TTLL3: variants seen among roughly 807,000 people sequenced by gnomAD.
The protein encoded by TTLL3 is tubulin monoglycylase TTLL3.
Under a neutral mutation model 75.2 loss-of-function variants are expected in TTLL3, and 63 were observed. The ratio of observed to expected loss-of-function variants is 0.84; its 90% CI spans 0.68 to 1.03. TTLL3 has a LOEUF of 1.03. Among genes scored for constraint, TTLL3 ranks in the 50% least tolerant of loss-of-function variants. TTLL3 has a pLI of 0.00. For synonymous variants in TTLL3, 393 were observed against 418.5 expected, an observed-to-expected ratio of 0.94 and a Z score of 0.74; for missense variants, 997 against 1,069.9, an observed-to-expected ratio of 0.93 and a Z score of 0.95.
In TTLL3 at chr3:9,832,750, T is replaced by G. The variant is rs2081679132; in HGVS notation, c.1684-354T>G. On this transcript the variant is annotated intron_variant, in intron 11 of 13. Transcript: ENST00000685419. The stretch of plus-strand genomic sequence containing the variant: ...TGTCTGGGTGGCGTAACTCAAATTC[T>G]CTGTGCAGAGAATCTGATTGGCTCA... 2.0e-5 allele frequency among the ~76,000 whole-genome samples: 3 copies of G among 152,252 alleles called. No individual in the cohort carries two copies. In the South Asian group the frequency reaches 6.2e-4, roughly 31 times the overall value.
At position 9,836,309 on chromosome 3, in the gene TTLL3, A is replaced by C. The variant is rs1002421134; in HGVS notation, c.*820A>C. ...GAGTGAAACCCTAAATCAAAAAAAA[A>C]AAAAAAGGTCTTTGCAGATGTAAAT... On this transcript the variant is annotated 3_prime_UTR_variant, in exon 14 of 14. Coordinates refer to ENST00000685419, the MANE Select transcript of TTLL3 (RefSeq NM_001387446.1). 2.0e-5 allele frequency: 3 copies of C among 152,170 alleles called. No individual in the cohort carries two copies. Among genetic ancestry groups the C allele is most frequent in the Non-Finnish European group, 4.4e-5 (3 of 68,058 alleles). The allele number at this position is 152,170 out of a possible 1,614,324, so 9.4% of individuals were successfully genotyped here.
Position 9,835,695 on chromosome 3 carries a change from T to C in TTLL3, c.*206T>C, listed in dbSNP as rs533358372. ...GGCAGTGAGTCGACGCAGGGACATA[T>C]TGCCAGAACTGCCGAGCACTGGGAG... On this transcript the variant is annotated 3_prime_UTR_variant, in exon 14 of 14. Coordinates refer to ENST00000685419, the MANE Select transcript of TTLL3 (RefSeq NM_001387446.1). 7.5e-5 allele frequency: 40 copies of C among 531,006 alleles called. No homozygotes were observed. The highest frequency in any genetic ancestry group is 6.6e-4 in the Admixed American group (18 of 27,128). The allele number at this position is 531,006 out of a possible 1,614,324, so 32.9% of individuals were successfully genotyped here. A position where few individuals can be genotyped will look rare whatever the true frequency, so the allele number is the denominator to read the frequency against.
At chr3:9,815,758 C>T (rs1482748115) in intron 4 of TTLL3, among the ~76,000 whole-genome samples, 2 of 152,272 alleles carry the variant, frequency 1.3e-5, no homozygotes, top group African/African-American at 2.4e-5. Flanking sequence ...CCAACTCCTT[C>T]TCACGCTGCC....
At position 9,810,355 on chromosome 3, in the gene TTLL3, C is replaced by T; in HGVS notation, c.-81C>T. The T allele has an allele frequency of 1.4e-6, 2 of 1,387,780 alleles. No individual in the cohort carries two copies. Among genetic ancestry groups the T allele is most frequent in the Non-Finnish European group, 1.8e-6 (2 of 1,088,196 alleles). The allele number at this position is 1,387,780 out of a possible 1,614,324, so 86.0% of individuals were successfully genotyped here. Reference sequence around the variant, plus strand: ...CGCCTCGGATACCCACCCCCTCGGCCCCCCGCACACCCCGGTCCTCGACCC... The same window carrying T: ...CGCCTCGGATACCCACCCCCTCGGCTCCCCGCACACCCCGGTCCTCGACCC... On this transcript the variant is annotated 5_prime_UTR_variant, in exon 1 of 14. Coordinates refer to ENST00000685419, the MANE Select transcript of TTLL3 (RefSeq NM_001387446.1). This position sits in a 1 kb window ranked among gnomAD's most constrained non-coding sequence, Gnocchi z 4.4.
chr3:9,823,659 G>C (rs2080736294), intron 8 of TTLL3, among the ~76,000 whole-genome samples: 1 of 152,052 alleles, frequency 6.6e-6, no homozygotes, highest in Admixed American at 6.6e-5. Flanking sequence ...GAGTACTCCT[G>C]GGAGACCTTG....
At position 9,825,917 on chromosome 3, in the gene TTLL3, C is replaced by G; in HGVS notation, c.972C>G (p.Ile324Met). The change falls in exon 9 of 14, where the codon ATC becomes ATG. Residue 324 changes from isoleucine (I) to methionine (M), a missense_variant. Coordinates refer to ENST00000685419, the MANE Select transcript of TTLL3 (RefSeq NM_001387446.1). ...IDMEGDRNIW[I>M]VKPGAKSRGR... ...TGGAAGGGGATCGCAACATCTGGAT[C>G]GTGAAGCCAGGAGCCAAGTCCCGCG... The G allele has an allele frequency of 6.2e-7, 1 of 1,614,030 alleles. No homozygotes were observed. The highest frequency in any genetic ancestry group is 8.5e-7 in the Non-Finnish European group (1 of 1,179,908).
chr3:9,821,934 C>T (rs1348368636), intron 8 of TTLL3, among the ~76,000 whole-genome samples: 1 of 144,604 alleles, frequency 6.9e-6, no homozygotes, highest in Non-Finnish European at 1.5e-5. Flanking sequence ...ACCTGGGAGT[C>T]GGAGCTTGCA....
At chr3:9,820,482 C>T (rs1275315985) in intron 7 of TTLL3, 64 bp from the exon 8 acceptor site, 5 of 1,593,302 alleles carry the variant, frequency 3.1e-6, no homozygotes, top group Non-Finnish European at 4.3e-6. Context: ...ACAATGGGGG[C>T]TGTGGCATGC....
rs2081735670 is a variant in TTLL3 at position 9,833,181 on chromosome 3, G to A, written c.1761G>A (p.Met587Ile). ...TCACCATCAAGAAGCCCATGGCGAT[G>A]TGTCATCGGCGGATGGGGGTCCGCC... Reference protein sequence around the residue: ...EGFTIKKPMAMCHRRMGVRPA... With the variant: ...EGFTIKKPMAICHRRMGVRPA... The change falls in exon 12 of 14, where the codon ATG becomes ATA. Residue 587 changes from methionine to isoleucine, a missense_variant. Met to Ile is a conservative substitution (Grantham distance 10). Coordinates refer to ENST00000685419, the MANE Select transcript of TTLL3 (RefSeq NM_001387446.1). 1.2e-6 allele frequency: 2 copies of A among 1,614,062 alleles called. No homozygotes were observed. Among genetic ancestry groups the A allele is most frequent in the South Asian group, 2.2e-5 (2 of 91,090 alleles).
intron 8 of TTLL3, chr3:9,825,513 T>G: frequency 2.1e-6 from 1 of 466,662 alleles, no homozygotes; most frequent in Non-Finnish European, 4.0e-6. Flanking sequence ...ACAGTTTTAA[T>G]GTAATAGGAA....
chr3:9,823,811 A>G (rs1342500454), intron 8 of TTLL3, among the ~76,000 whole-genome samples: 1 of 152,236 alleles, frequency 6.6e-6, no homozygotes, highest in Non-Finnish European at 1.5e-5. Flanking sequence ...CCTGAACAGG[A>G]GGCTCCCGTC....
rs2290304 is a variant in TTLL3, at chr3:9,829,178, G to A, written c.1466G>A (p.Arg489Gln). The A allele has an allele frequency of 6.7e-4, 1,074 of 1,614,040 alleles. 8 individuals carry two copies. The East Asian group carries it at 0.018, about 28-fold the overall frequency. ...LQTSQDTVQC[R>Q]KASFELYGAD... ...ACCTCCCAGGACACCGTGCAGTGTC[G>A]GAAGGCCAGCTTTGAGCTCTATGGC... Residue 489 changes from arginine to glutamine, a missense_variant, in exon 11 of 14, where the codon CGG becomes CAG. By Grantham distance (43) the Arg-to-Gln change is conservative. Coordinates refer to ENST00000685419, the MANE Select transcript of TTLL3 (RefSeq NM_001387446.1).
intron 11 of TTLL3, among the ~76,000 whole-genome samples, chr3:9,831,054 G>C (rs772817762): frequency 7.6e-4 from 115 of 152,192 alleles, no homozygotes; most frequent in Non-Finnish European, 2.8e-4. Flanking sequence ...GCCCGCCTCG[G>C]CCTCCCAAAA....
At chr3:9,816,974 CTTT>C (rs1361741345) in intron 5 of TTLL3, among the ~76,000 whole-genome samples, 2 of 152,104 alleles carry the variant, frequency 1.3e-5, no homozygotes, top group African/African-American at 4.8e-5. Context: ...GGAAGCAGCT[CTTT>C]TTTTATTTTT....
intron 11 of TTLL3, among the ~76,000 whole-genome samples, chr3:9,829,780 T>C (rs2081354081): frequency 6.6e-6 from 1 of 152,172 alleles, no homozygotes; most frequent in Admixed American, 6.5e-5. Context: ...ATAAAAATAG[T>C]ACCTAACTCA....
At chr3:9,819,280 C>T (rs933262254) in intron 7 of TTLL3, 4 of 256,776 alleles carry the variant, frequency 1.6e-5, no homozygotes, top group Non-Finnish European at 3.0e-5. Context: ...GATCCACCTA[C>T]CCATCTATCT....
At chr3:9,809,968 G>T, upstream of TTLL3, 1 of 1,298,024 alleles carries the variant, frequency 7.7e-7, no homozygotes, top group Non-Finnish European at 9.7e-7. Flanking sequence ...AGGGGCGCGG[G>T]ATCAGGGGCC....
At chr3:9,816,237 C>A in intron 5 of TTLL3, 35 bp downstream of exon 5, 2 of 1,329,254 alleles carry the variant, frequency 1.5e-6, no homozygotes, top group Non-Finnish European at 2.0e-6. Flanking sequence ...GGGCAGCTTC[C>A]GACCCCCTGC....
rs2080330925 is a variant in TTLL3 at position 9,820,748 on chromosome 3, C to T, written c.854+7C>T. On this transcript the variant is annotated splice_region_variant and intron_variant, in intron 8 of 13. Coordinates refer to ENST00000685419, the MANE Select transcript of TTLL3 (RefSeq NM_001387446.1). ...GCTACTACCAAGTGGTCCAGTGAGT[C>T]CCCTGCAGCTGGGACTTTGGGCTGT... is the stretch of plus-strand genomic sequence containing the variant. The T allele has an allele frequency of 3.7e-6, 6 of 1,613,490 alleles. No individual in the cohort carries two copies. The highest frequency in any genetic ancestry group is 1.7e-5 in the Admixed American group (1 of 59,972).
Sources: gnomAD v4.1 joint callset for allele counts (sites outside exome capture counted in the v4.1 genomes callset) on GRCh38, gnomAD v4.1.1 for gene constraint, Gnocchi (gnomAD v3.1) non-coding constraint, MANE v1.5 for transcripts, NCBI Gene and HGNC (gene_info 2026-07-23, HGNC 2026-07-21) for gene names.